Variants in TUBB8 observed in about 807,000 individuals in gnomAD.
TUBB8 encodes the protein tubulin beta-8 chain.
Under a neutral mutation model 33.7 loss-of-function variants are expected in TUBB8, and 25 were observed. The observed-to-expected ratio is 0.74, with a 90% CI of 0.54 to 1.04. TUBB8 has a LOEUF of 1.04. Among genes scored for constraint, TUBB8 ranks in the 50% least tolerant of loss-of-function variants. The pLI, the probability that TUBB8 is intolerant of heterozygous loss-of-function variation, is 0.00. For synonymous variants in TUBB8, 245 were observed against 240.1 expected (o/e 1.02, Z -0.19); for missense variants, 279 against 608.0 (o/e 0.46, Z 5.69).
At chr10:65,676 G>A (rs1588279824) in intron 1 of TUBB8, among the ~76,000 whole-genome samples, 1 of 152,340 alleles carries the variant, frequency 6.6e-6, no homozygotes. Flanking sequence ...AGTGAGCCGA[G>A]ATCGTGCCAC....
At chr10:65,473 C>T (rs575138888) in intron 1 of TUBB8, among the ~76,000 whole-genome samples, 1 of 152,248 alleles carries the variant, frequency 6.6e-6, no homozygotes, top group Admixed American at 6.5e-5. Context: ...ACCTGAAATC[C>T]CAGCACTTTG....
Position 56,470 on chromosome 10 carries a change from G to T in TUBB8, c.-845-6237C>A, listed in dbSNP as rs1351003178. 8.5e-5 allele frequency among the ~76,000 whole-genome samples: 13 copies of T among 152,354 alleles called. No individual in the cohort carries two copies. In the East Asian group the frequency reaches 1.2e-3, roughly 14 times the overall value. ...TCATTGGCTCATGGTTCTACAGGCT[G>T]TACAGAAAGCACAGCACTGGCTTCT... On this transcript the variant is annotated intron_variant, in intron 1 of 3. Coordinates refer to the TUBB8 transcript ENST00000564130.
At chr10:53,209 C>T (rs1323296478), upstream of TUBB8, among the ~76,000 whole-genome samples, 19 of 152,146 alleles carry the variant, frequency 1.2e-4, no homozygotes, top group Non-Finnish European at 1.8e-4. Context: ...CTTACTGAAA[C>T]GTCTGCCTCC....
chr10:52,973 G>A (rs143310302), upstream of TUBB8, among the ~76,000 whole-genome samples: 1 of 151,984 alleles, frequency 6.6e-6, no homozygotes, highest in Non-Finnish European at 1.5e-5. Context: ...GATGGCATTT[G>A]GTATGTTTAC....
chr10:71,262 C>T (rs1237222951), intron 1 of TUBB8, among the ~76,000 whole-genome samples: 1 of 151,636 alleles, frequency 6.6e-6, no homozygotes, highest in Non-Finnish European at 1.5e-5. Flanking sequence ...TTGCAGCGAG[C>T]GGAGATCGTG....
chr10:74,323 G>C (rs1266392881), upstream of TUBB8, among the ~76,000 whole-genome samples: 1 of 151,512 alleles, frequency 6.6e-6, no homozygotes, highest in East Asian at 1.9e-4. Context: ...TCCCTTGACC[G>C]GAACGCATGG....
In TUBB8 at chr10:57,330, G is replaced by T. The variant is rs368954986; in HGVS notation, c.-845-7097C>A. On this transcript the variant is annotated intron_variant, in intron 1 of 3. Transcript: ENST00000564130. ...GAGGACAGTGATCCTCTCCTCACAGGTCTACTAGGCCATGCCCCAGTAGGC... is the reference window on the plus strand; with the variant it reads ...GAGGACAGTGATCCTCTCCTCACAGTTCTACTAGGCCATGCCCCAGTAGGC... 5.3e-5 allele frequency among the ~76,000 whole-genome samples: 8 copies of T among 152,316 alleles called. No homozygotes were observed. The East Asian group carries it at 1.4e-3, about 26-fold the overall frequency.
At chr10:56,216 C>G (rs1554740143) in intron 1 of TUBB8, among the ~76,000 whole-genome samples, 1 of 152,126 alleles carries the variant, frequency 6.6e-6, no homozygotes, top group African/African-American at 2.4e-5. Flanking sequence ...AATTCCCACA[C>G]ATTTTGTTTT....
chr10:64,996 AAAAT>A (rs1834651975), intron 1 of TUBB8, among the ~76,000 whole-genome samples: 1 of 151,170 alleles, frequency 6.6e-6, no homozygotes, highest in African/African-American at 2.4e-5. Context: ...AAAAAAAAAA[AAAAT>A]AGTTGGGCAT....
upstream of TUBB8, among the ~76,000 whole-genome samples, chr10:75,512 A>T (rs1588283913): frequency 2.0e-5 from 3 of 149,980 alleles, 1 homozygote; most frequent in South Asian, 6.4e-4. Context: ...AAAATTAGCC[A>T]GATGTGGTGG....
chr10:48,501 G>A (rs1554738736), intron 3 of TUBB8, 114 bp downstream of exon 3: 6 of 1,003,514 alleles, frequency 6.0e-6, no homozygotes, highest in Middle Eastern at 4.1e-4. Flanking sequence ...CGGAGGATAG[G>A]AGGGTGTTCA....
chr10:48,327 G>A (rs1435291802), intron 3 of TUBB8: 1 of 642,968 alleles, frequency 1.6e-6, no homozygotes, highest in South Asian at 1.9e-5. Context: ...CGGGTTCACA[G>A]ACCTCGCTGC....
chr10:75,381 G>A (rs1167773381), upstream of TUBB8, among the ~76,000 whole-genome samples: 15 of 150,652 alleles, frequency 1.0e-4, no homozygotes, highest in African/African-American at 1.2e-4. Context: ...AAGGCTGGAC[G>A]TGGTGGCTCA....
chr10:70,931 A>G (rs1834728237), intron 1 of TUBB8, among the ~76,000 whole-genome samples: 1 of 152,246 alleles, frequency 6.6e-6, no homozygotes, highest in Admixed American at 6.5e-5. Context: ...AAAATACACA[A>G]CAAAATGGAC....
At chr10:48,139 T>C (rs782186589) in intron 3 of TUBB8, 25 bp from the exon 4 acceptor site, 11 of 1,469,732 alleles carry the variant, frequency 7.5e-6, no homozygotes, top group Non-Finnish European at 9.5e-6. Context: ...AGCCGGTCAC[T>C]CGACGGCCAG....
At chr10:68,888 T>C (rs1245820309) in intron 1 of TUBB8, among the ~76,000 whole-genome samples, 3 of 152,222 alleles carry the variant, frequency 2.0e-5, no homozygotes, top group Non-Finnish European at 4.4e-5. Flanking sequence ...TTCCTTTTTC[T>C]GGAATGTTCC....
At chr10:56,722 C>T (rs1347663579) in intron 1 of TUBB8, among the ~76,000 whole-genome samples, 3 of 152,198 alleles carry the variant, frequency 2.0e-5, no homozygotes, top group Non-Finnish European at 4.4e-5. Context: ...AGGCCCACTT[C>T]CAACATTGAG....
rs1368548414 is a variant in TUBB8 at position 48,817 on chromosome 10, G to A, written c.153C>T (p.Tyr51=). 3 of 1,610,358 alleles carry A rather than the reference G, an allele frequency of 1.9e-6. No homozygotes were observed. Among genetic ancestry groups the A allele is most frequent in the Non-Finnish European group, 2.5e-6 (3 of 1,178,902 alleles). ...CGGGGGTCTCACCGCTGGCCTCGTT[G>A]TAGTACACGTTGATGCGCTCCAGCT... The part of the protein sequence containing the change: ...HLQLERINVY[Y]NEASGGRYVP... The change falls in exon 2 of 4, where the codon TAC becomes TAT. Residue 51 remains tyrosine (Y), a synonymous_variant. Coordinates refer to ENST00000568584, the MANE Select transcript of TUBB8 (RefSeq NM_177987.3).
At chr10:55,806 G>C (rs566943674) in intron 1 of TUBB8, among the ~76,000 whole-genome samples, 312 of 152,324 alleles carry the variant, frequency 2.0e-3, no homozygotes, top group African/African-American at 7.2e-3. Context: ...TTAGCTGTAT[G>C]AGTTTGTTTC....
Sources: allele counts gnomAD v4.1 joint callset (sites outside exome capture counted in the v4.1 genomes callset), GRCh38; gene constraint gnomAD v4.1.1; transcripts MANE v1.5; gene names NCBI Gene and HGNC (gene_info 2026-07-23, HGNC 2026-07-21).